Variants in CHD6 observed in about 807,000 individuals in gnomAD.
The protein encoded by CHD6 is ATP-dependent chromatin remodeler CHD6.
A neutral mutation model predicts 276.9 loss-of-function variants in CHD6; 50 were observed. The observed-to-expected ratio is 0.18, with a 90% confidence interval of 0.14 to 0.23. The LOEUF (loss-of-function observed/expected upper bound fraction) is 0.23. Ranked by LOEUF, CHD6 falls within the 10% of genes least tolerant of loss-of-function variation. CHD6 has a pLI of 1.00. For synonymous variants in CHD6, 1,173 were observed against 1,229.3 expected, an observed-to-expected ratio of 0.95 and a Z score of 0.96; for missense variants, 2,564 against 3,365.8, an observed-to-expected ratio of 0.76 and a Z score of 5.89.
At chr20:41,531,936 C>T (rs1044338607) in intron 3 of CHD6, among the ~76,000 whole-genome samples, 3 of 152,072 alleles carry the variant, frequency 2.0e-5, no homozygotes, top group African/African-American at 7.2e-5. Context: ...TTTATGAGTG[C>T]TCTTGGTCTA....
chr20:41,436,614 C>A (rs968513498), intron 27 of CHD6, among the ~76,000 whole-genome samples: 2 of 152,138 alleles, frequency 1.3e-5, no homozygotes, highest in Non-Finnish European at 2.9e-5. Context: ...AACCCATATG[C>A]CCTTCAGTGG....
intron 1 of CHD6, among the ~76,000 whole-genome samples, chr20:41,573,464 C>A (rs1223136712): frequency 6.6e-6 from 1 of 152,166 alleles, no homozygotes; most frequent in Admixed American, 6.5e-5. Flanking sequence ...TACACAACAA[C>A]CCTAACTGGG....
chr20:41,484,275 A>T (rs2043361658), intron 15 of CHD6, 77 bp downstream of exon 15: 2 of 1,508,194 alleles, frequency 1.3e-6, no homozygotes, highest in South Asian at 2.3e-5. Context: ...AATTCAATAC[A>T]TGAGTTATTT....
chr20:41,445,919 G>A, intron 24 of CHD6, 151 bp from the exon 25 acceptor site: 1 of 588,256 alleles, frequency 1.7e-6, no homozygotes, highest in Non-Finnish European at 3.1e-6. Context: ...CTCAACCAGG[G>A]CTTTGCATGA....
intron 33 of CHD6, among the ~76,000 whole-genome samples, chr20:41,415,901 C>T (rs1454353000): frequency 6.6e-6 from 1 of 152,204 alleles, no homozygotes; most frequent in African/African-American, 2.4e-5. Flanking sequence ...CCGTGAACTA[C>T]ATTTGGTGTT....
chr20:41,479,754 TAA>T (rs1389005651), intron 16 of CHD6, among the ~76,000 whole-genome samples: 1 of 152,078 alleles, frequency 6.6e-6, no homozygotes, highest in Non-Finnish European at 1.5e-5. Context: ...TAATGAAAGA[TAA>T]AGTCAAGAAA....
chr20:41,504,473 G>C (rs555891896), intron 5 of CHD6, among the ~76,000 whole-genome samples: 17 of 140,328 alleles, frequency 1.2e-4, no homozygotes, highest in African/African-American at 4.5e-4. Flanking sequence ...GCAGTGGAAC[G>C]ATCTCACCTC....
chr20:41,558,963 G>C (rs759829896), intron 1 of CHD6, among the ~76,000 whole-genome samples: 63 of 151,866 alleles, frequency 4.1e-4, no homozygotes, highest in Admixed American at 8.5e-4. Context: ...CCAGACTCTT[G>C]GAAAAAGCTA....
chr20:41,609,855 C>CTTT (rs369159347), intron 1 of CHD6, among the ~76,000 whole-genome samples: 20 of 128,218 alleles, frequency 1.6e-4, no homozygotes, highest in Non-Finnish European at 2.5e-4. Flanking sequence ...TTTCTTTTTT[C>CTTT]TTTTTTTTTT....
intron 1 of CHD6, among the ~76,000 whole-genome samples, chr20:41,561,455 G>A (rs997413804): frequency 6.6e-6 from 1 of 152,076 alleles, no homozygotes; most frequent in African/African-American, 2.4e-5. Flanking sequence ...CTTCTCTTGG[G>A]TCATTATAGG....
At chr20:41,438,214 T>TGCTA (rs2047778179) in intron 26 of CHD6, among the ~76,000 whole-genome samples, 1 of 152,234 alleles carries the variant, frequency 6.6e-6, no homozygotes, top group Non-Finnish European at 1.5e-5. Context: ...AGACCCTTGA[T>TGCTA]GCTAGCTCAG....
intron 1 of CHD6, among the ~76,000 whole-genome samples, chr20:41,552,670 T>A (rs1251387687): frequency 6.6e-6 from 1 of 152,210 alleles, no homozygotes; most frequent in Non-Finnish European, 1.5e-5. Context: ...GTTTATCATT[T>A]TAATGTCTGT....
intron 1 of CHD6, among the ~76,000 whole-genome samples, chr20:41,612,681 T>G (rs1568734039): frequency 6.6e-6 from 1 of 152,196 alleles, no homozygotes; most frequent in Non-Finnish European, 1.5e-5. Context: ...GACATAATCC[T>G]TCAAAGTATT....
rs1439305623 is a variant in CHD6 at position 41,403,423 on chromosome 20, GGAA to G, written c.*1167_*1169del. 3 of 1,061,792 alleles carry G rather than the reference GGAA, an allele frequency of 2.8e-6. No individual in the cohort carries two copies. The highest frequency in any genetic ancestry group is 1.6e-5 in the African/African-American group (1 of 60,886). The allele number at this position is 1,061,792 out of a possible 1,614,324, so 65.8% of individuals were successfully genotyped here. Reference sequence around the variant, plus strand: ...CAGTTCCTAAACATGGAGAAGCTGAGGAAGAAGAGAAAATAATGTTGACTTGCA... The same window carrying G: ...CAGTTCCTAAACATGGAGAAGCTGAGGAAGAGAAAATAATGTTGACTTGCA... On this transcript the variant is annotated 3_prime_UTR_variant, in exon 37 of 37. Coordinates refer to ENST00000373233, the MANE Select transcript of CHD6 (RefSeq NM_032221.5).
chr20:41,554,126 C>T (rs1322854801), intron 1 of CHD6, among the ~76,000 whole-genome samples: 1 of 152,142 alleles, frequency 6.6e-6, no homozygotes, highest in African/African-American at 2.4e-5. Flanking sequence ...GCCTAGGTGA[C>T]AGAGTGAGGC....
intron 1 of CHD6, among the ~76,000 whole-genome samples, chr20:41,586,041 T>C (rs2045590603): frequency 1.3e-5 from 2 of 152,100 alleles, no homozygotes; most frequent in Admixed American, 6.5e-5. Context: ...GGTAAAGAAA[T>C]AGTCAAATCA....
chr20:41,541,284 A>G (rs1429453274), intron 2 of CHD6, among the ~76,000 whole-genome samples: 1 of 152,216 alleles, frequency 6.6e-6, no homozygotes, highest in Non-Finnish European at 1.5e-5. Context: ...TTGTCAGGAC[A>G]TAACTTCATC....
At chr20:41,484,275 A>G in intron 15 of CHD6, 77 bp downstream of exon 15, 1 of 1,508,194 alleles carries the variant, frequency 6.6e-7, no homozygotes, top group Non-Finnish European at 9.2e-7. Flanking sequence ...AATTCAATAC[A>G]TGAGTTATTT....
At chr20:41,532,422 T>C (rs1317525418) in intron 3 of CHD6, among the ~76,000 whole-genome samples, 1 of 152,188 alleles carries the variant, frequency 6.6e-6, no homozygotes, top group Non-Finnish European at 1.5e-5. Context: ...CACCACTGAT[T>C]CCCGTGACTG....
Sources: allele counts gnomAD v4.1 joint callset (sites outside exome capture counted in the v4.1 genomes callset), GRCh38; gene constraint gnomAD v4.1.1; transcripts MANE v1.5; gene names NCBI Gene and HGNC (gene_info 2026-07-23, HGNC 2026-07-21).